The following TENM3 variants were observed in gnomAD, a reference collection of about 807,000 sequenced individuals.
TENM3 encodes the protein teneurin-3.
In TENM3, 63 loss-of-function variants were observed where a neutral mutation model predicts 255.1. The observed-to-expected ratio is 0.25, with a 90% CI of 0.20 to 0.30. TENM3 has a LOEUF of 0.30. TENM3 is among the 10% of genes least tolerant of loss of function. TENM3 has a pLI of 1.00. For missense variants in TENM3, 2,929 were observed against 3,461.1 expected, an observed-to-expected ratio of 0.85 and a Z score of 3.86; for synonymous variants, 1,306 against 1,322.3, an observed-to-expected ratio of 0.99 and a Z score of 0.27.
At chr4:182,409,530 GC>G (rs1769827606) in intron 3 of TENM3, among the ~76,000 whole-genome samples, 1 of 152,120 alleles carries the variant, frequency 6.6e-6, no homozygotes, top group Non-Finnish European at 1.5e-5. Flanking sequence ...ACAAATAACT[GC>G]ATCCTTTCCA....
At chr4:182,054,836 ATT>A in the TENM3 span, among the ~76,000 whole-genome samples, 1 of 152,136 alleles carries the variant, frequency 6.6e-6, no homozygotes, top group Non-Finnish European at 1.5e-5. Context: ...TAACAGGAGA[ATT>A]TTACTTAGAA....
chr4:182,598,558 A>G (rs1274061782), intron 3 of TENM3, among the ~76,000 whole-genome samples: 1 of 152,252 alleles, frequency 6.6e-6, no homozygotes. Flanking sequence ...TCTAAATTCA[A>G]CATATTGAAA....
chr4:181,912,721 G>T, the TENM3 span, among the ~76,000 whole-genome samples: 4 of 148,944 alleles, frequency 2.7e-5, no homozygotes, highest in Non-Finnish European at 5.9e-5. Context: ...GCAATGATCT[G>T]AGATCATGCC....
intron 3 of TENM3, among the ~76,000 whole-genome samples, chr4:182,586,853 A>T (rs1013603433): frequency 1.3e-5 from 2 of 152,178 alleles, no homozygotes; most frequent in Non-Finnish European, 2.9e-5. Context: ...ATATCAAATA[A>T]TATGCTAGAA....
the TENM3 span, among the ~76,000 whole-genome samples, chr4:181,599,907 C>T: frequency 6.6e-6 from 1 of 152,150 alleles, no homozygotes; most frequent in African/African-American, 2.4e-5. Context: ...CAGACCTAGA[C>T]AATTCGCAAT....
At chr4:182,060,611 C>G in the TENM3 span, among the ~76,000 whole-genome samples, 33 of 152,252 alleles carry the variant, frequency 2.2e-4, no homozygotes, top group African/African-American at 7.9e-4. Context: ...ACATTGAAGA[C>G]CCCCGGTCTA....
At chr4:182,609,102 C>T (rs965542035) in intron 4 of TENM3, among the ~76,000 whole-genome samples, 5 of 152,152 alleles carry the variant, frequency 3.3e-5, no homozygotes, top group African/African-American at 4.8e-5. Context: ...GAACCATTTG[C>T]GGAGGAGCCT....
chr4:182,044,112 C>T, the TENM3 span, among the ~76,000 whole-genome samples: 1 of 152,118 alleles, frequency 6.6e-6, no homozygotes, highest in African/African-American at 2.4e-5. Context: ...TAGGCTACTA[C>T]CTTTAAAATA....
chr4:182,199,054 A>G (rs1222751612), intron 1 of TENM3, among the ~76,000 whole-genome samples: 2 of 152,252 alleles, frequency 1.3e-5, no homozygotes, highest in Non-Finnish European at 2.9e-5. Flanking sequence ...TATAGTTTAG[A>G]TAGTGTTGGG....
At chr4:182,617,561 G>A (rs1749654493) in intron 4 of TENM3, among the ~76,000 whole-genome samples, 3 of 152,106 alleles carry the variant, frequency 2.0e-5, no homozygotes, top group Admixed American at 6.6e-5. Flanking sequence ...ATATTTTGCT[G>A]GAAGGAAGAA....
intron 16 of TENM3, among the ~76,000 whole-genome samples, chr4:182,734,866 G>C (rs1761045720): frequency 1.3e-5 from 2 of 152,180 alleles, no homozygotes. Flanking sequence ...CTTCTGGAAG[G>C]TCACAGGAAA....
the TENM3 span, among the ~76,000 whole-genome samples, chr4:181,498,995 C>T: frequency 6.6e-6 from 1 of 152,140 alleles, no homozygotes; most frequent in Non-Finnish European, 1.5e-5. Context: ...CAAAAAATAA[C>T]TCTTAATCAC....
intron 3 of TENM3, among the ~76,000 whole-genome samples, chr4:182,362,620 G>A (rs547823999): frequency 8.2e-4 from 125 of 151,560 alleles, no homozygotes; most frequent in Non-Finnish European, 1.4e-3. Flanking sequence ...TCCAGGTGCC[G>A]TCTGTCACCC....
the TENM3 span, among the ~76,000 whole-genome samples, chr4:181,587,733 C>T: frequency 6.6e-6 from 1 of 152,184 alleles, no homozygotes; most frequent in Non-Finnish European, 1.5e-5. Context: ...CGCTTTGTTT[C>T]CACCTTGTTT....
intron 3 of TENM3, among the ~76,000 whole-genome samples, chr4:182,594,225 T>TGTTG (rs1308784951): frequency 6.6e-6 from 1 of 152,130 alleles, no homozygotes; most frequent in African/African-American, 2.4e-5. Context: ...TGTTGCTCAA[T>TGTTG]CTGGTCTGGA....
intron 3 of TENM3, among the ~76,000 whole-genome samples, chr4:182,453,030 A>G (rs199801648): frequency 0.2 from 29,996 of 150,592 alleles, 3,241 homozygotes; most frequent in Non-Finnish European, 0.24. Context: ...ATATGTGTAT[A>G]TATATATATA....
the TENM3 span, among the ~76,000 whole-genome samples, chr4:181,898,890 T>C: frequency 2.0e-5 from 3 of 152,180 alleles, no homozygotes; most frequent in African/African-American, 7.2e-5. Context: ...ATTTCGTTTT[T>C]TACTGATTCT....
chr4:182,106,535 C>T, the TENM3 span, among the ~76,000 whole-genome samples: 1 of 152,136 alleles, frequency 6.6e-6, no homozygotes, highest in East Asian at 1.9e-4. Context: ...TTTGGAAAAA[C>T]CACCTTGGCC....
intron 1 of TENM3, among the ~76,000 whole-genome samples, chr4:182,194,025 A>G (rs1045127990): frequency 6.6e-6 from 1 of 152,216 alleles, no homozygotes; most frequent in African/African-American, 2.4e-5. Context: ...CAGAATTAAC[A>G]TAATCTATTT....
Sources: gnomAD v4.1 joint callset for allele counts (sites outside exome capture counted in the v4.1 genomes callset) on GRCh38, gnomAD v4.1.1 for gene constraint, MANE v1.5 for transcripts, NCBI Gene and HGNC (gene_info 2026-07-23, HGNC 2026-07-21) for gene names.